The following TRPM3 variants were observed in gnomAD, a reference collection of about 807,000 sequenced individuals.
The protein encoded by TRPM3 is long transient receptor potential channel 3.
Under a neutral mutation model 181.2 loss-of-function variants are expected in TRPM3, and 77 were observed. That is an observed-to-expected ratio of 0.42 (90% CI 0.35 to 0.51). TRPM3 has a LOEUF of 0.51. TRPM3 is among the 20% of genes least tolerant of loss of function. TRPM3 has a pLI of 0.01. For missense variants in TRPM3, 1,759 were observed against 2,196.7 expected, an observed-to-expected ratio of 0.80 and a Z score of 3.98; for synonymous variants, 745 against 796.4, an observed-to-expected ratio of 0.94 and a Z score of 1.09.
intron 22 of TRPM3, among the ~76,000 whole-genome samples, chr9:70,590,612 T>C (rs1197531880): frequency 6.6e-6 from 1 of 152,218 alleles, no homozygotes; most frequent in Non-Finnish European, 1.5e-5. Context: ...AAATCGAGCA[T>C]TGTTTATTTG....
At chr9:71,086,153 C>G (rs1249915415) in intron 1 of TRPM3, among the ~76,000 whole-genome samples, 1 of 151,880 alleles carries the variant, frequency 6.6e-6, no homozygotes, top group African/African-American at 2.4e-5. Context: ...ACATTACATA[C>G]TCAAGGACAT....
At chr9:71,415,824 T>C (rs1328004571) in intron 1 of TRPM3, among the ~76,000 whole-genome samples, 1 of 151,784 alleles carries the variant, frequency 6.6e-6, no homozygotes, top group East Asian at 1.9e-4. Context: ...GGTACAAAGA[T>C]TTTTATAAAA....
chr9:71,357,743 A>C (rs1470675599), intron 1 of TRPM3, among the ~76,000 whole-genome samples: 2 of 152,030 alleles, frequency 1.3e-5, no homozygotes, highest in Non-Finnish European at 2.9e-5. Context: ...AAAAAAAAAA[A>C]AAAAATGCAT....
chr9:71,254,436 A>G (rs1373516513), intron 1 of TRPM3, among the ~76,000 whole-genome samples: 1 of 152,190 alleles, frequency 6.6e-6, no homozygotes, highest in East Asian at 1.9e-4. Context: ...ACGGTGACTT[A>G]GTCGGCAACA....
At chr9:70,563,099 TTC>T (rs1462036019) in intron 22 of TRPM3, among the ~76,000 whole-genome samples, 4 of 152,230 alleles carry the variant, frequency 2.6e-5, no homozygotes, top group Non-Finnish European at 5.9e-5. Flanking sequence ...CCCTTAATGT[TTC>T]TGTTTCCACT....
At chr9:70,983,397 A>G (rs2097384641) in intron 1 of TRPM3, among the ~76,000 whole-genome samples, 1 of 152,144 alleles carries the variant, frequency 6.6e-6, no homozygotes, top group African/African-American at 2.4e-5. Flanking sequence ...CCTACCAGAT[A>G]TACAGACTTA....
At chr9:70,635,098 G>T in intron 12 of TRPM3, 113 bp downstream of exon 12, 1 of 804,694 alleles carries the variant, frequency 1.2e-6, no homozygotes. Context: ...TGAAATGAGT[G>T]GCGCCTGATA....
chr9:70,963,841 C>G (rs2097161021), intron 1 of TRPM3, among the ~76,000 whole-genome samples: 1 of 152,072 alleles, frequency 6.6e-6, no homozygotes, highest in Non-Finnish European at 1.5e-5. Context: ...GTCTAGAAAA[C>G]TTCTCTCTGG....
At chr9:70,966,885 A>G (rs561315205) in intron 1 of TRPM3, among the ~76,000 whole-genome samples, 2 of 152,254 alleles carry the variant, frequency 1.3e-5, no homozygotes, top group East Asian at 1.9e-4. Context: ...TGAACTTCAA[A>G]TAAGAGTTTA....
At chr9:71,377,769 A>G (rs1352112390) in intron 1 of TRPM3, among the ~76,000 whole-genome samples, 1 of 152,118 alleles carries the variant, frequency 6.6e-6, no homozygotes, top group Non-Finnish European at 1.5e-5. Context: ...AAAAGAAAAA[A>G]ATAGGACATT....
intron 1 of TRPM3, among the ~76,000 whole-genome samples, chr9:70,983,637 A>T (rs1558927): frequency 0.33 from 50,148 of 152,030 alleles, 8,679 homozygotes; most frequent in East Asian, 0.45. Flanking sequence ...TACCATAAAA[A>T]ACAGAAAGGC....
In TRPM3 at chr9:70,935,850, T is replaced by G. The variant is rs114548157; in HGVS notation, c.178-71339A>C. Among the ~76,000 whole-genome samples, 753 of 152,310 alleles carry G rather than the reference T, an allele frequency of 4.9e-3. 3 individuals are homozygous for G. The highest frequency in any genetic ancestry group is 0.017 in the African/African-American group (719 of 41,566). On this transcript the variant is annotated intron_variant, in intron 1 of 25. Coordinates refer to ENST00000677713, the MANE Select transcript of TRPM3 (RefSeq NM_001366145.2). ...AAATATCCTTCGGTATGTTGTTCAC[T>G]CCAATCAGTTACCAATTCCCAAATT...
At chr9:70,766,527 C>T (rs1344034112) in intron 7 of TRPM3, among the ~76,000 whole-genome samples, 1 of 151,006 alleles carries the variant, frequency 6.6e-6, no homozygotes, top group Non-Finnish European at 1.5e-5. Context: ...AATAACACCA[C>T]AATTTGGCAC....
chr9:70,620,989 G>T (rs1011231297), intron 15 of TRPM3, among the ~76,000 whole-genome samples: 1 of 147,510 alleles, frequency 6.8e-6, no homozygotes, highest in African/African-American at 2.5e-5. Context: ...AAGGTGCTGT[G>T]AGCAACCCTT....
At chr9:71,409,110 A>G (rs188184583) in intron 1 of TRPM3, among the ~76,000 whole-genome samples, 1 of 152,164 alleles carries the variant, frequency 6.6e-6, no homozygotes, top group Admixed American at 6.5e-5. Flanking sequence ...TGAAGGAAGC[A>G]CTAAACATGG....
intron 9 of TRPM3, among the ~76,000 whole-genome samples, 158 bp from the exon 10 acceptor site, chr9:70,640,818 A>G (rs1424433449): frequency 6.6e-6 from 1 of 152,164 alleles, no homozygotes; most frequent in Admixed American, 6.5e-5. Context: ...TATTATTAAC[A>G]TTTTGGGTAA....
chr9:71,011,718 T>C (rs981612300), intron 1 of TRPM3, among the ~76,000 whole-genome samples: 2 of 151,242 alleles, frequency 1.3e-5, no homozygotes, highest in Non-Finnish European at 2.9e-5. Flanking sequence ...TGATTTTAAA[T>C]AATAATAAAA....
chr9:70,616,315 T>C (rs1712984451), intron 17 of TRPM3, among the ~76,000 whole-genome samples: 1 of 152,056 alleles, frequency 6.6e-6, no homozygotes, highest in African/African-American at 2.4e-5. Context: ...TTTGCACAGC[T>C]CAGTCTCATT....
At chr9:70,960,539 T>G (rs1026347587) in intron 1 of TRPM3, among the ~76,000 whole-genome samples, 6 of 152,170 alleles carry the variant, frequency 3.9e-5, no homozygotes, top group African/African-American at 1.4e-4. Context: ...ATGATGATAA[T>G]TCCTCAGAAT....
Sources: gnomAD v4.1 joint callset for allele counts (sites outside exome capture counted in the v4.1 genomes callset) on GRCh38, gnomAD v4.1.1 for gene constraint, MANE v1.5 for transcripts, NCBI Gene and HGNC (gene_info 2026-07-23, HGNC 2026-07-21) for gene names.